Variants in IQCM observed in about 807,000 individuals in gnomAD.
The protein encoded by IQCM is IQ motif containing M.
Under a neutral mutation model 57.6 loss-of-function variants are expected in IQCM, and 45 were observed. The ratio of observed to expected loss-of-function variants is 0.78; its 90% CI spans 0.62 to 1.00. IQCM has a LOEUF of 1.00. Ranked by LOEUF, IQCM falls within the 50% of genes least tolerant of loss-of-function variation. The probability of loss-of-function intolerance (pLI) is 0.00; values close to 1 mark genes in which losing one functional copy is unlikely to be tolerated. For synonymous variants in IQCM, 148 were observed against 158.9 expected (o/e 0.93, Z 0.51); for missense variants, 468 against 511.6 (o/e 0.91, Z 0.82).
chr4:149,595,215 C>T (rs980297253), intron 8 of IQCM, among the ~76,000 whole-genome samples: 4 of 151,854 alleles, frequency 2.6e-5, no homozygotes, highest in Non-Finnish European at 5.9e-5. Context: ...TGTAATGGCC[C>T]TCTTTGTCTC....
chr4:149,448,073 C>A (rs1004419179), intron 12 of IQCM, among the ~76,000 whole-genome samples: 2 of 151,600 alleles, frequency 1.3e-5, no homozygotes. Context: ...CAACATAATA[C>A]ACATTCTCGT....
chr4:149,782,680 TAA>T (rs76715978), intron 2 of IQCM, among the ~76,000 whole-genome samples: 2 of 136,142 alleles, frequency 1.5e-5, no homozygotes, highest in Non-Finnish European at 1.6e-5. Context: ...ATCCAGAACT[TAA>T]AAAAAAAAAA....
intron 7 of IQCM, among the ~76,000 whole-genome samples, chr4:149,653,520 T>G (rs927993941): frequency 2.0e-5 from 3 of 152,010 alleles, no homozygotes; most frequent in Non-Finnish European, 4.4e-5. Flanking sequence ...TCTTCAGGCT[T>G]TTTATATTGT....
At chr4:149,446,699 T>C (rs753116430) in intron 12 of IQCM, among the ~76,000 whole-genome samples, 4 of 151,578 alleles carry the variant, frequency 2.6e-5, no homozygotes, top group Non-Finnish European at 5.9e-5. Flanking sequence ...TACATTCTTA[T>C]AAATTATACA....
chr4:149,468,015 AG>A (rs34050043), intron 12 of IQCM, among the ~76,000 whole-genome samples: 3 of 152,262 alleles, frequency 2.0e-5, no homozygotes, highest in Admixed American at 1.3e-4. Context: ...GAAGATTGCT[AG>A]GGGGAGGCTC....
intron 9 of IQCM, among the ~76,000 whole-genome samples, chr4:149,571,068 T>G (rs1751111100): frequency 1.3e-5 from 2 of 151,964 alleles, no homozygotes; most frequent in South Asian, 4.1e-4. Flanking sequence ...TAGCACAACC[T>G]TATGGAAAAC....
intron 2 of IQCM, among the ~76,000 whole-genome samples, chr4:149,778,664 G>A: frequency 6.6e-6 from 1 of 151,908 alleles, no homozygotes; most frequent in East Asian, 1.9e-4. Flanking sequence ...GAAATGAAAT[G>A]GGTATCACTA....
intron 10 of IQCM, among the ~76,000 whole-genome samples, chr4:149,562,508 C>G (rs920432511): frequency 6.6e-6 from 1 of 152,162 alleles, no homozygotes; most frequent in Non-Finnish European, 1.5e-5. Flanking sequence ...ATTAGTTCAT[C>G]TCATTTTGGA....
At chr4:149,641,601 A>G (rs1360136460) in intron 7 of IQCM, among the ~76,000 whole-genome samples, 1 of 152,110 alleles carries the variant, frequency 6.6e-6, no homozygotes, top group Non-Finnish European at 1.5e-5. Flanking sequence ...AAAATGCATC[A>G]GTCACTTAAA....
intron 13 of IQCM, among the ~76,000 whole-genome samples, chr4:149,418,350 T>C (rs1733896687): frequency 6.6e-6 from 1 of 151,942 alleles, no homozygotes; most frequent in South Asian, 2.1e-4. Flanking sequence ...AAGAAATGGA[T>C]AAGTTCCTGG....
At chr4:149,737,194 T>A (rs1224618161) in intron 3 of IQCM, among the ~76,000 whole-genome samples, 1 of 152,168 alleles carries the variant, frequency 6.6e-6, no homozygotes, top group East Asian at 1.9e-4. Flanking sequence ...ATGGATTAAC[T>A]GAGAAGAGAC....
At chr4:149,422,265 T>C (rs968019385) in intron 13 of IQCM, among the ~76,000 whole-genome samples, 3 of 151,958 alleles carry the variant, frequency 2.0e-5, no homozygotes, top group Admixed American at 2.0e-4. Context: ...AAAATAGGCA[T>C]ACAAAGCAAG....
chr4:149,671,288 C>T (rs1761258075), intron 7 of IQCM, among the ~76,000 whole-genome samples: 1 of 152,074 alleles, frequency 6.6e-6, no homozygotes, highest in African/African-American at 2.4e-5. Flanking sequence ...TTATAGTATT[C>T]TCTGATGGTA....
rs891505473 is a variant in IQCM, at chr4:149,750,102, T to C, written c.-48-7363A>G. Among the ~76,000 whole-genome samples the C allele has an allele frequency of 3.3e-5, 5 of 152,346 alleles. No homozygotes were observed. In the South Asian group the frequency reaches 8.3e-4, roughly 25 times the overall value. ...ATGTATGTATAACCTCTCATGAATT[T>C]TTGTAATGTGACTAATGGGCTTTGC... is the stretch of plus-strand genomic sequence containing the variant. On this transcript the variant is annotated intron_variant, in intron 2 of 13. Coordinates refer to ENST00000636793, the MANE Select transcript of IQCM (RefSeq NM_001363507.2).
At chr4:149,448,868 G>A (rs1736787858) in intron 12 of IQCM, among the ~76,000 whole-genome samples, 1 of 151,656 alleles carries the variant, frequency 6.6e-6, no homozygotes, top group Non-Finnish European at 1.5e-5. Flanking sequence ...TGCCCAGATG[G>A]CTTCAGTGAT....
intron 12 of IQCM, among the ~76,000 whole-genome samples, chr4:149,486,017 GTCTCTCTCTCTCTCTCTC>G (rs71596213): frequency 3.0e-4 from 37 of 121,692 alleles, no homozygotes; most frequent in East Asian, 1.3e-3. Context: ...AGCAAACAGA[GTCTCTCTCTCTCTCTCTC>G]TCTCTCTCTC....
intron 12 of IQCM, among the ~76,000 whole-genome samples, chr4:149,540,387 C>T (rs926209419): frequency 1.3e-5 from 2 of 151,142 alleles, no homozygotes; most frequent in African/African-American, 4.9e-5. Context: ...CAAGCTATGT[C>T]ACTACCTAAC....
intron 12 of IQCM, among the ~76,000 whole-genome samples, chr4:149,539,883 A>T (rs1457194534): frequency 1.3e-5 from 2 of 152,072 alleles, no homozygotes; most frequent in Non-Finnish European, 2.9e-5. Context: ...AAATAAAATA[A>T]AAAGAGAATC....
At chr4:149,654,827 T>G (rs1759500330) in intron 7 of IQCM, among the ~76,000 whole-genome samples, 1 of 152,182 alleles carries the variant, frequency 6.6e-6, no homozygotes, top group African/African-American at 2.4e-5. Flanking sequence ...AGATATGCTG[T>G]AAATTAAATA....
Sources: gnomAD v4.1 joint callset for allele counts (sites outside exome capture counted in the v4.1 genomes callset) on GRCh38, gnomAD v4.1.1 for gene constraint, MANE v1.5 for transcripts, NCBI Gene and HGNC (gene_info 2026-07-23, HGNC 2026-07-21) for gene names.